Variants in DPP6 observed in about 807,000 individuals in gnomAD.
DPP6 encodes A-type potassium channel modulatory protein DPP6.
In DPP6, 69 loss-of-function variants were observed where a neutral mutation model predicts 122.6. The ratio of observed to expected loss-of-function variants is 0.56; its 90% CI spans 0.46 to 0.69. The LOEUF is 0.69. Ranked by LOEUF, DPP6 falls within the 30% of genes least tolerant of loss-of-function variation. The pLI is 0.00. For synonymous variants in DPP6, 418 were observed against 433.1 expected, an observed-to-expected ratio of 0.97 and a Z score of 0.43; for missense variants, 928 against 1,116.9, an observed-to-expected ratio of 0.83 and a Z score of 2.41.
At chr7:154,682,590 C>T (rs1290713616) in intron 7 of DPP6, among the ~76,000 whole-genome samples, 3 of 152,216 alleles carry the variant, frequency 2.0e-5, no homozygotes, top group African/African-American at 7.2e-5. Flanking sequence ...AATTTGCTCA[C>T]TTAAAACAAG....
At chr7:153,962,301 TACTG>T (rs1480784819) in intron 1 of DPP6, among the ~76,000 whole-genome samples, 1 of 152,200 alleles carries the variant, frequency 6.6e-6, no homozygotes, top group Non-Finnish European at 1.5e-5. Flanking sequence ...TCCTATTTGA[TACTG>T]TCTGCAGAAT....
At position 154,067,311 on chromosome 7, in the gene DPP6, G is replaced by A. The variant is rs528116481; in HGVS notation, c.243+14248G>A. Among the ~76,000 whole-genome samples the A allele has an allele frequency of 3.3e-3, 451 of 137,906 alleles. 2 individuals carry two copies. The highest frequency in any genetic ancestry group is 0.012 in the African/African-American group (423 of 36,226). 90.5% of individuals were successfully genotyped at this position (137,906 alleles called of 152,430 possible). A position where few individuals can be genotyped will look rare whatever the true frequency, so the allele number is the denominator to read the frequency against. Reference sequence around the variant, plus strand: ...TGCAAAGGAGCCCATGGGAGCGAGAGGAGGGACACTTCATTCAGCTTCAAG... The same window carrying A: ...TGCAAAGGAGCCCATGGGAGCGAGAAGAGGGACACTTCATTCAGCTTCAAG... On this transcript the variant is annotated intron_variant, in intron 1 of 25. Transcript: ENST00000377770.
At chr7:154,099,118 G>T (rs1168541826) in intron 1 of DPP6, among the ~76,000 whole-genome samples, 2 of 152,212 alleles carry the variant, frequency 1.3e-5, no homozygotes, top group Non-Finnish European at 2.9e-5. Context: ...ATGGAGGTTT[G>T]CTCCATGTAA....
At position 154,420,064 on chromosome 7, in the gene DPP6, C is replaced by T. The variant is rs576671257; in HGVS notation, c.244-26150C>T. On this transcript the variant is annotated intron_variant, in intron 1 of 25. Coordinates refer to ENST00000377770, the MANE Select transcript of DPP6 (RefSeq NM_130797.4). ...TTACAAGAGAAGGAGAAGGCCGGCA[C>T]GGTGGCTTTTGCCTGTAATCCCAAC... Among the ~76,000 whole-genome samples the T allele has an allele frequency of 4.6e-4, 70 of 152,324 alleles. No homozygotes were observed. In the South Asian group the frequency reaches 4.8e-3, roughly 10 times the overall value.
chr7:153,929,012 C>G (rs1487846886), intron 1 of DPP6, among the ~76,000 whole-genome samples: 1 of 152,098 alleles, frequency 6.6e-6, no homozygotes, highest in Non-Finnish European at 1.5e-5. Context: ...GGGCCAGACC[C>G]TGGCACCTTA....
intron 3 of DPP6, chr7:154,475,606 CAG>C (rs918078313): frequency 7.0e-5 from 11 of 158,156 alleles, no homozygotes; most frequent in African/African-American, 2.4e-4. Flanking sequence ...TTTAAAACAA[CAG>C]AACAAAATAC....
chr7:154,338,876 G>A (rs926074352), intron 1 of DPP6, among the ~76,000 whole-genome samples: 3 of 152,154 alleles, frequency 2.0e-5, no homozygotes, highest in Non-Finnish European at 2.9e-5. Flanking sequence ...CCTGCATGGC[G>A]GCGGGTGGCA....
intron 5 of DPP6, among the ~76,000 whole-genome samples, chr7:154,637,342 G>C (rs12540953): frequency 0.14 from 21,902 of 152,202 alleles, 1,825 homozygotes; most frequent in East Asian, 0.2. Flanking sequence ...GGGGTCAAAA[G>C]TGTGCCCAAT....
chr7:154,259,802 T>C (rs1366140030), intron 1 of DPP6, among the ~76,000 whole-genome samples: 2 of 152,196 alleles, frequency 1.3e-5, no homozygotes, highest in Non-Finnish European at 2.9e-5. Flanking sequence ...TTCTGTTGTA[T>C]GCCAAACGCG....
intron 1 of DPP6, among the ~76,000 whole-genome samples, chr7:154,328,185 A>C (rs930360084): frequency 5.9e-5 from 9 of 152,102 alleles, no homozygotes; most frequent in Admixed American, 1.3e-4. Flanking sequence ...CCACACCCTG[A>C]GTGTAATATG....
At chr7:153,774,950 G>A in the DPP6 span, among the ~76,000 whole-genome samples, 1 of 151,768 alleles carries the variant, frequency 6.6e-6, no homozygotes, top group Non-Finnish European at 1.5e-5. Context: ...CAGTGTTCTG[G>A]GTAACAGAGC....
At chr7:154,633,605 C>G (rs763231743) in intron 5 of DPP6, among the ~76,000 whole-genome samples, 5 of 152,218 alleles carry the variant, frequency 3.3e-5, no homozygotes, top group Admixed American at 6.5e-5. Flanking sequence ...AAGACTTTAT[C>G]TCTCTAAGGA....
At position 154,666,206 on chromosome 7, in the gene DPP6, T is replaced by TACATACATACATACATAC. The variant is rs369121970; in HGVS notation, c.681-3153_681-3152insCATACATACATACATACA. 1.6e-3 allele frequency among the ~76,000 whole-genome samples: 237 copies of TACATACATACATACATAC among 145,524 alleles called. 1 individual carries two copies. Among genetic ancestry groups the TACATACATACATACATAC allele is most frequent in the African/African-American group, 5.4e-3 (211 of 39,158 alleles). On this transcript the variant is annotated intron_variant, in intron 6 of 25. Transcript: ENST00000377770. Reference sequence around the variant, plus strand: ...GTGTATATATATATATATATACACATATACATACATACATACATACATACA... The same window carrying TACATACATACATACATAC: ...GTGTATATATATATATATATACACATACATACATACATACATACATACATACATACATACATACATACA...
chr7:154,172,611 T>C (rs1348064995), intron 1 of DPP6, among the ~76,000 whole-genome samples: 2 of 148,486 alleles, frequency 1.3e-5, no homozygotes, highest in African/African-American at 2.6e-5. Flanking sequence ...TTTTCTTTTT[T>C]TTTTTTTTTG....
chr7:154,682,836 G>A (rs753693980), intron 7 of DPP6, among the ~76,000 whole-genome samples: 3 of 152,180 alleles, frequency 2.0e-5, no homozygotes, highest in Non-Finnish European at 4.4e-5. Context: ...TGATGTGTGG[G>A]GAACACAGTG....
chr7:154,342,207 C>G (rs942376426), intron 1 of DPP6, among the ~76,000 whole-genome samples: 2 of 152,202 alleles, frequency 1.3e-5, no homozygotes, highest in African/African-American at 2.4e-5. Context: ...CCAGCAGGGT[C>G]TGACAACCAG....
intron 3 of DPP6, among the ~76,000 whole-genome samples, chr7:154,535,141 T>A (rs1828136014): frequency 6.6e-6 from 1 of 152,070 alleles, no homozygotes; most frequent in Non-Finnish European, 1.5e-5. Context: ...TTCAACAACG[T>A]ACTGGAATAA....
At chr7:154,070,523 C>T (rs1803042259) in intron 1 of DPP6, among the ~76,000 whole-genome samples, 1 of 152,170 alleles carries the variant, frequency 6.6e-6, no homozygotes, top group Non-Finnish European at 1.5e-5. Flanking sequence ...AGGCTTGCCT[C>T]TAATATACAT....
At chr7:154,537,909 A>G (rs1022782249) in intron 3 of DPP6, among the ~76,000 whole-genome samples, 2 of 152,126 alleles carry the variant, frequency 1.3e-5, no homozygotes, top group African/African-American at 4.8e-5. Flanking sequence ...CCATTGTAAT[A>G]TACACTAGAA....
Sources: gnomAD v4.1 joint callset for allele counts (sites outside exome capture counted in the v4.1 genomes callset) on GRCh38, gnomAD v4.1.1 for gene constraint, MANE v1.5 for transcripts, NCBI Gene and HGNC (gene_info 2026-07-23, HGNC 2026-07-21) for gene names.